The following CLUL1 variants were observed in gnomAD, a reference collection of about 807,000 sequenced individuals.
CLUL1 encodes the protein clusterin like 1.
A neutral mutation model predicts 49.4 loss-of-function variants in CLUL1; 43 were observed. The observed-to-expected ratio is 0.87, with a 90% CI of 0.68 to 1.12. The LOEUF is 1.12. CLUL1 is among the 50% of genes most tolerant of loss of function. CLUL1 has a pLI of 0.00. For synonymous variants in CLUL1, 192 were observed against 184.9 expected, an observed-to-expected ratio of 1.04 and a Z score of -0.31; for missense variants, 486 against 544.4, an observed-to-expected ratio of 0.89 and a Z score of 1.07.
rs527891195 is a variant in CLUL1, at chr18:606,019, C to T, written c.-135-959C>T. 2.6e-5 allele frequency among the ~76,000 whole-genome samples: 4 copies of T among 151,468 alleles called. No individual in the cohort carries two copies. In the South Asian group the frequency reaches 8.6e-4, roughly 33 times the overall value. On this transcript the variant is annotated intron_variant, in intron 1 of 9. Coordinates refer to ENST00000692774, the MANE Select transcript of CLUL1 (RefSeq NM_001393344.1). The surrounding 1 kb of genome is among the most constrained non-coding windows in gnomAD (Gnocchi z 4.1). ...TATTCTATGTTTTAATGAATTTACA[C>T]GTTACCCAAATGTTCCCTAGTTTTT...
chr18:619,186 A>G (rs2073403945), intron 3 of CLUL1, 27 bp from the exon 4 acceptor site: 1 of 1,606,364 alleles, frequency 6.2e-7, no homozygotes, highest in Non-Finnish European at 8.5e-7. Flanking sequence ...TCAGATCTCA[A>G]AGAAAAAATT....
chr18:613,386 C>G (rs908290919), intron 2 of CLUL1: 2 of 266,268 alleles, frequency 7.5e-6, no homozygotes, highest in Non-Finnish European at 1.4e-5. Context: ...GATCTGCCTG[C>G]CTCGGCCTCC....
At chr18:647,375 C>T (rs1251738131) in intron 9 of CLUL1, among the ~76,000 whole-genome samples, 1 of 152,122 alleles carries the variant, frequency 6.6e-6, no homozygotes, top group African/African-American at 2.4e-5. Flanking sequence ...TCTTTGGTTG[C>T]AAGCAACCAA....
At position 607,024 on chromosome 18, in the gene CLUL1, A is replaced by C; in HGVS notation, c.-89A>C. 1.4e-6 allele frequency: 1 copy of C among 700,156 alleles called. No homozygotes were observed. The highest frequency in any genetic ancestry group is 2.6e-6 in the Non-Finnish European group (1 of 384,030). 43.4% of individuals were successfully genotyped at this position (700,156 alleles called of 1,614,324 possible). On this transcript the variant is annotated 5_prime_UTR_variant, in exon 2 of 10. Transcript: ENST00000692774. Reference sequence around the variant, plus strand: ...CAGGCTGGAGTTCAGTGGCATGTTCATAGCTCACTGAAGCCTCAAATTCCT... The same window carrying C: ...CAGGCTGGAGTTCAGTGGCATGTTCCTAGCTCACTGAAGCCTCAAATTCCT...
chr18:605,326 A>G (rs2072940685), intron 1 of CLUL1, among the ~76,000 whole-genome samples: 1 of 152,188 alleles, frequency 6.6e-6, no homozygotes, highest in African/African-American at 2.4e-5. Context: ...AGTCACGGAA[A>G]GTGTCAAAAA....
At chr18:599,509 T>A (rs1262603029) in intron 1 of CLUL1, among the ~76,000 whole-genome samples, 1 of 152,220 alleles carries the variant, frequency 6.6e-6, no homozygotes, top group African/African-American at 2.4e-5. Context: ...TGTAAATGTT[T>A]AGGTAATTTT....
intron 6 of CLUL1, among the ~76,000 whole-genome samples, chr18:631,129 C>T (rs1430896399): frequency 6.6e-6 from 1 of 151,974 alleles, no homozygotes; most frequent in East Asian, 1.9e-4. Flanking sequence ...TTATGAACAC[C>T]AGGAAAAGGA....
chr18:645,810 A>AAAAAAAT (rs1451607900), intron 9 of CLUL1, among the ~76,000 whole-genome samples: 6 of 29,868 alleles, frequency 2.0e-4, no homozygotes, highest in African/African-American at 2.8e-4. Flanking sequence ...AAAAAAAAAA[A>AAAAAAAT]ATATATATAT....
intron 1 of CLUL1, among the ~76,000 whole-genome samples, chr18:601,243 C>T (rs2072821211): frequency 6.6e-6 from 1 of 152,066 alleles, no homozygotes; most frequent in African/African-American, 2.4e-5. Context: ...TTTCTGTTTC[C>T]AAGTTTGTGT....
At chr18:635,461 T>A (rs1598437859) in intron 7 of CLUL1, among the ~76,000 whole-genome samples, 1 of 152,138 alleles carries the variant, frequency 6.6e-6, no homozygotes, top group Non-Finnish European at 1.5e-5. Flanking sequence ...CTGATATGGG[T>A]CCGTGGCCCA....
chr18:635,505 G>A (rs1227813280), intron 7 of CLUL1, among the ~76,000 whole-genome samples: 1 of 152,010 alleles, frequency 6.6e-6, no homozygotes, highest in African/African-American at 2.4e-5. Context: ...AGGAAGTTCA[G>A]AAAAATCAGA....
chr18:622,046 C>A (rs889723176), intron 4 of CLUL1, among the ~76,000 whole-genome samples: 3 of 152,040 alleles, frequency 2.0e-5, no homozygotes, highest in Non-Finnish European at 4.4e-5. Flanking sequence ...AAAAAAAAAT[C>A]TGTTTAACCC....
At chr18:603,578 T>C (rs2143925632) in intron 1 of CLUL1, among the ~76,000 whole-genome samples, 1 of 152,238 alleles carries the variant, frequency 6.6e-6, no homozygotes, top group Non-Finnish European at 1.5e-5. Context: ...TGCAACTATA[T>C]TATAATATCG....
intron 4 of CLUL1, among the ~76,000 whole-genome samples, chr18:624,546 C>T (rs1286140644): frequency 3.9e-5 from 6 of 152,154 alleles, no homozygotes; most frequent in Admixed American, 3.3e-4. Context: ...CACAGTTGTT[C>T]CCAGATCGGG....
At chr18:644,575 T>C (rs971867243) in intron 8 of CLUL1, among the ~76,000 whole-genome samples, 12 of 152,208 alleles carry the variant, frequency 7.9e-5, no homozygotes, top group Admixed American at 2.6e-4. Context: ...CTGAAAAGGG[T>C]TCTTTGTAGA....
chr18:619,467 C>T, intron 4 of CLUL1, 106 bp downstream of exon 4: 5 of 1,049,576 alleles, frequency 4.8e-6, no homozygotes, highest in Non-Finnish European at 6.6e-6. Context: ...TAATAAATTT[C>T]ATGGGTAGCT....
chr18:618,885 G>C lies in CLUL1; in HGVS notation c.107-328G>C, dbSNP rs2073390145. On this transcript the variant is annotated intron_variant, in intron 3 of 9. Transcript: ENST00000692774. The surrounding 1 kb of genome is among the most constrained non-coding windows in gnomAD (Gnocchi z 4.2). Reference sequence around the variant, plus strand: ...ACTTAATATAAATTATGAAGAAAATGCAAAATTTTCTCTAATATAAACACA... The same window carrying C: ...ACTTAATATAAATTATGAAGAAAATCCAAAATTTTCTCTAATATAAACACA... Among the ~76,000 whole-genome samples, 1 of 151,898 alleles carries C rather than the reference G, an allele frequency of 6.6e-6. No homozygotes were observed. The highest frequency in any genetic ancestry group is 1.5e-5 in the Non-Finnish European group (1 of 67,992).
chr18:621,710 G>A (rs2073491282), intron 4 of CLUL1, among the ~76,000 whole-genome samples: 1 of 152,160 alleles, frequency 6.6e-6, no homozygotes, highest in Admixed American at 6.5e-5. Context: ...GAAAACTGGG[G>A]TTTGAGATGT....
chr18:620,939 G>A (rs2073472715), intron 4 of CLUL1, among the ~76,000 whole-genome samples: 1 of 151,976 alleles, frequency 6.6e-6, no homozygotes, highest in Middle Eastern at 3.2e-3. Context: ...AAATAATTTG[G>A]AAAATATTTT....
Sources: gnomAD v4.1 joint callset for allele counts (sites outside exome capture counted in the v4.1 genomes callset) on GRCh38, gnomAD v4.1.1 for gene constraint, Gnocchi (gnomAD v3.1) non-coding constraint, MANE v1.5 for transcripts, NCBI Gene and HGNC (gene_info 2026-07-23, HGNC 2026-07-21) for gene names.